Variants in XKR4 observed in about 807,000 individuals in gnomAD.
XKR4 encodes XK related 4, also known as XK-related protein 4.
A neutral mutation model predicts 53.9 loss-of-function variants in XKR4; 12 were observed. That is an observed-to-expected ratio of 0.22 (90% confidence interval 0.14 to 0.36). XKR4 has a LOEUF of 0.36. Ranked by LOEUF, XKR4 falls within the 10% of genes least tolerant of loss-of-function variation. XKR4 has a pLI of 1.00. For synonymous variants in XKR4, 354 were observed against 362.4 expected, an observed-to-expected ratio of 0.98 and a Z score of 0.26; for missense variants, 799 against 859.5, an observed-to-expected ratio of 0.93 and a Z score of 0.88.
intron 2 of XKR4, among the ~76,000 whole-genome samples, chr8:55,477,282 A>G (rs1270176706): frequency 2.0e-5 from 3 of 152,102 alleles, no homozygotes; most frequent in African/African-American, 7.3e-5. Flanking sequence ...CACTGCTGAT[A>G]CCCAGGCAAA....
intron 2 of XKR4, among the ~76,000 whole-genome samples, chr8:55,373,355 T>A (rs984997688): frequency 6.6e-6 from 1 of 152,094 alleles, no homozygotes; most frequent in Non-Finnish European, 1.5e-5. Context: ...TTAGTAGAGA[T>A]GGGGTTTCAC....
intron 2 of XKR4, among the ~76,000 whole-genome samples, chr8:55,423,159 G>A (rs1804961265): frequency 6.6e-6 from 1 of 151,622 alleles, no homozygotes; most frequent in South Asian, 2.1e-4. Context: ...GCAGTGGCAC[G>A]ATTTTGGCTT....
chr8:55,440,445 C>A (rs568139230), intron 2 of XKR4, among the ~76,000 whole-genome samples: 29 of 152,082 alleles, frequency 1.9e-4, no homozygotes, highest in African/African-American at 7.0e-4. Context: ...TTAATCTGGA[C>A]AGAATGATCA....
At chr8:55,153,801 G>A (rs1468775876) in intron 1 of XKR4, among the ~76,000 whole-genome samples, 9 of 152,188 alleles carry the variant, frequency 5.9e-5, no homozygotes, top group Non-Finnish European at 2.9e-5. Context: ...GCCACTAGCT[G>A]ATATGCTCAT....
intron 1 of XKR4, among the ~76,000 whole-genome samples, chr8:55,203,215 T>G (rs554182883): frequency 6.6e-6 from 1 of 152,368 alleles, no homozygotes; most frequent in African/African-American, 2.4e-5. Flanking sequence ...CGCCTGTAAC[T>G]TGGCTTTGCA....
At chr8:55,350,781 C>T (rs1803713784) in intron 1 of XKR4, among the ~76,000 whole-genome samples, 1 of 148,710 alleles carries the variant, frequency 6.7e-6, no homozygotes, top group African/African-American at 2.5e-5. Context: ...GCTCTGTCAC[C>T]CTGGCTGGAG....
chr8:55,376,842 CAT>C (rs1193880195), intron 2 of XKR4, among the ~76,000 whole-genome samples: 1 of 151,876 alleles, frequency 6.6e-6, no homozygotes, highest in Non-Finnish European at 1.5e-5. Flanking sequence ...CATCAAAAGT[CAT>C]TATATTTCTT....
chr8:55,158,410 G>A lies in XKR4; in HGVS notation c.806+55116G>A, dbSNP rs963228434. ...GATTCTGGATGTTAGACCTTTGCTG[G>A]ATGCATAGTTTGCAAATATTTTCTC... On this transcript the variant is annotated intron_variant, in intron 1 of 2. Transcript: ENST00000327381. 1.1e-4 allele frequency among the ~76,000 whole-genome samples: 16 copies of A among 152,288 alleles called. 1 individual carries two copies. The highest frequency in any genetic ancestry group is 8.5e-4 in the Admixed American group (13 of 15,298).
intron 2 of XKR4, among the ~76,000 whole-genome samples, chr8:55,362,465 G>C (rs534857589): frequency 1.7e-4 from 26 of 152,276 alleles, no homozygotes; most frequent in African/African-American, 6.0e-4. Flanking sequence ...AAGCAGGTCA[G>C]CAGGAGCAGC....
chr8:55,145,375 G>A (rs987308135), intron 1 of XKR4, among the ~76,000 whole-genome samples: 12 of 151,394 alleles, frequency 7.9e-5, no homozygotes, highest in Non-Finnish European at 1.6e-4. Context: ...TTCTTTTTCT[G>A]AACAGAGTGT....
In XKR4 at chr8:55,490,819, C is replaced by T. The variant is rs149103424; in HGVS notation, c.1007-32462C>T. On this transcript the variant is annotated intron_variant, in intron 2 of 2. Coordinates refer to ENST00000327381, the MANE Select transcript of XKR4 (RefSeq NM_052898.2). ...TATGTATAGTGTGTGTGTGTGCGCACGCGCATGCTTGTGGTTTGTTTTTTC... is the reference window on the plus strand; with the variant it reads ...TATGTATAGTGTGTGTGTGTGCGCATGCGCATGCTTGTGGTTTGTTTTTTC... Among the ~76,000 whole-genome samples the T allele has an allele frequency of 2.2e-3, 333 of 152,174 alleles. 5 individuals carry two copies. The highest frequency in any genetic ancestry group is 6.4e-3 in the East Asian group (33 of 5,174).
chr8:55,131,727 G>C (rs990214557), intron 1 of XKR4, among the ~76,000 whole-genome samples: 4 of 146,454 alleles, frequency 2.7e-5, no homozygotes, highest in African/African-American at 1.0e-4. Flanking sequence ...CTGACAATCT[G>C]AACATAACTT....
At chr8:55,169,670 T>G (rs1351625629) in intron 1 of XKR4, among the ~76,000 whole-genome samples, 1 of 152,218 alleles carries the variant, frequency 6.6e-6, no homozygotes, top group East Asian at 1.9e-4. Context: ...AAAGATTTCA[T>G]TTTTTCCCCA....
chr8:55,202,433 G>A (rs1209053003), intron 1 of XKR4, among the ~76,000 whole-genome samples: 2 of 152,316 alleles, frequency 1.3e-5, no homozygotes, highest in East Asian at 1.9e-4. Context: ...CTCCACAAAC[G>A]TGGAATTCAT....
chr8:55,444,620 A>G (rs1051901589), intron 2 of XKR4, among the ~76,000 whole-genome samples: 1 of 152,242 alleles, frequency 6.6e-6, no homozygotes, highest in African/African-American at 2.4e-5. Flanking sequence ...TCATGGGAAT[A>G]TACATCAAAA....
At chr8:55,154,435 C>T (rs1816878896) in intron 1 of XKR4, among the ~76,000 whole-genome samples, 1 of 152,136 alleles carries the variant, frequency 6.6e-6, no homozygotes, top group Non-Finnish European at 1.5e-5. Context: ...ATTTAGAGAA[C>T]ATTTTCTATT....
At chr8:55,294,190 CT>C (rs1819067628) in intron 1 of XKR4, among the ~76,000 whole-genome samples, 1 of 152,160 alleles carries the variant, frequency 6.6e-6, no homozygotes, top group African/African-American at 2.4e-5. Context: ...TGTTAGTTTG[CT>C]TCTCATTCTT....
At chr8:55,369,894 A>T (rs567180705) in intron 2 of XKR4, among the ~76,000 whole-genome samples, 67 of 152,294 alleles carry the variant, frequency 4.4e-4, no homozygotes, top group African/African-American at 1.5e-3. Context: ...TATGATAAAC[A>T]CTTTAAGAAC....
intron 2 of XKR4, chr8:55,454,680 C>A (rs1305924952): frequency 3.3e-6 from 3 of 913,336 alleles, no homozygotes; most frequent in Non-Finnish European, 5.5e-6. Context: ...TCCCTGGGAA[C>A]ACATTCAGGC....
Sources: gnomAD v4.1 joint callset for allele counts (sites outside exome capture counted in the v4.1 genomes callset) on GRCh38, gnomAD v4.1.1 for gene constraint, MANE v1.5 for transcripts, NCBI Gene and HGNC (gene_info 2026-07-23, HGNC 2026-07-21) for gene names.